Variants in MCU observed in about 807,000 individuals in gnomAD.
MCU encodes the protein mitochondrial calcium uniporter.
MCU carries 12 observed loss-of-function variants against 45.2 expected under a neutral mutation model. The ratio of observed to expected loss-of-function variants is 0.27; its 90% CI spans 0.17 to 0.43. The LOEUF (loss-of-function observed/expected upper bound fraction) is 0.43, where lower values mean the gene tolerates loss of function less well. Among genes scored for constraint, MCU ranks in the 20% least tolerant of loss-of-function variants. The pLI is 1.00. For missense variants in MCU, 324 were observed against 436.7 expected (o/e 0.74, Z 2.30); for synonymous variants, 160 against 165.1 (o/e 0.97, Z 0.24).
intron 1 of MCU, among the ~76,000 whole-genome samples, chr10:72,770,397 C>G (rs941706624): frequency 6.6e-6 from 1 of 152,084 alleles, no homozygotes; most frequent in Non-Finnish European, 1.5e-5. Flanking sequence ...AAATCCACTT[C>G]AGATTTGTAC....
chr10:72,753,737 G>A (rs1444006461), intron 1 of MCU, among the ~76,000 whole-genome samples: 1 of 152,046 alleles, frequency 6.6e-6, no homozygotes, highest in East Asian at 1.9e-4. Context: ...CTAGCTGGGT[G>A]TGGTGGTGGC....
At chr10:72,835,553 A>G (rs1291539067) in intron 2 of MCU, among the ~76,000 whole-genome samples, 3 of 152,202 alleles carry the variant, frequency 2.0e-5, no homozygotes, top group Non-Finnish European at 4.4e-5. Flanking sequence ...ACATTTAGTC[A>G]GTATAATATT....
rs377383936 is a variant in MCU at position 72,758,544 on chromosome 10, A to G, written c.150+66243A>G. Among the ~76,000 whole-genome samples, 791 of 152,316 alleles carry G rather than the reference A, an allele frequency of 5.2e-3. 6 individuals are homozygous for G. The highest frequency in any genetic ancestry group is 0.014 in the Middle Eastern group (4 of 294). ...ACCCAGAGAAAGGGAAATAGTTACT[A>G]AGGCAGTCTATTTCTTTTTTCTGAA... On this transcript the variant is annotated intron_variant, in intron 1 of 7. Transcript: ENST00000373053.
At chr10:72,839,641 T>C (rs1035523251) in intron 2 of MCU, among the ~76,000 whole-genome samples, 4 of 151,834 alleles carry the variant, frequency 2.6e-5, no homozygotes, top group Non-Finnish European at 4.4e-5. Context: ...AGGATTGTTT[T>C]CCATTTTGAA....
At chr10:72,879,868 A>G (rs1288902133) in intron 6 of MCU, among the ~76,000 whole-genome samples, 1 of 152,176 alleles carries the variant, frequency 6.6e-6, no homozygotes, top group African/African-American at 2.4e-5. Context: ...CAACATGGCA[A>G]AACCCTGTCT....
chr10:72,843,273 A>G (rs982306110), intron 2 of MCU, among the ~76,000 whole-genome samples: 2 of 152,152 alleles, frequency 1.3e-5, no homozygotes, highest in Non-Finnish European at 2.9e-5. Context: ...GAGGAGTTTC[A>G]CCACCCTAAA....
chr10:72,828,940 A>G (rs751087224), intron 1 of MCU, among the ~76,000 whole-genome samples: 2 of 152,180 alleles, frequency 1.3e-5, no homozygotes, highest in Non-Finnish European at 2.9e-5. Context: ...CTTATTAAAG[A>G]TATGGACTGG....
intron 4 of MCU, among the ~76,000 whole-genome samples, chr10:72,865,801 G>T (rs576647618): frequency 6.7e-6 from 1 of 149,444 alleles, no homozygotes; most frequent in Non-Finnish European, 1.5e-5. Flanking sequence ...TTTTGAGATG[G>T]AGTCTTGCTC....
intron 1 of MCU, among the ~76,000 whole-genome samples, chr10:72,705,556 G>A (rs1274969571): frequency 3.3e-5 from 5 of 152,100 alleles, no homozygotes. Flanking sequence ...AGTGGCTCAT[G>A]CCTGTAATCC....
chr10:72,863,920 T>A (rs971314024), intron 4 of MCU, among the ~76,000 whole-genome samples: 1 of 152,172 alleles, frequency 6.6e-6, no homozygotes, highest in Non-Finnish European at 1.5e-5. Context: ...CCTTCCTATT[T>A]TCTATCGTTT....
At chr10:72,759,305 C>T (rs1843621846) in intron 1 of MCU, among the ~76,000 whole-genome samples, 1 of 152,058 alleles carries the variant, frequency 6.6e-6, no homozygotes, top group South Asian at 2.1e-4. Context: ...GGGCTGCATG[C>T]ACTGGTAATT....
At chr10:72,697,086 A>G (rs921973595) in intron 1 of MCU, among the ~76,000 whole-genome samples, 1 of 152,144 alleles carries the variant, frequency 6.6e-6, no homozygotes, top group African/African-American at 2.4e-5. Flanking sequence ...AGAGTTCTGG[A>G]TAAATATGTT....
chr10:72,886,114 C>G lies in MCU; in HGVS notation c.*292C>G, dbSNP rs1374315400. ...AGAGATTCATAAAGAGAAAACAATG[C>G]TGGGGGTGTTCGTTTCTTGCATCTT... is the stretch of plus-strand genomic sequence containing the variant. On this transcript the variant is annotated 3_prime_UTR_variant, in exon 8 of 8. Transcript: ENST00000373053. 1 of 252,962 alleles carries G rather than the reference C, an allele frequency of 4.0e-6. No homozygotes were observed. Among genetic ancestry groups the G allele is most frequent in the Non-Finnish European group, 7.5e-6 (1 of 133,238 alleles). 15.7% of individuals were successfully genotyped at this position (252,962 alleles called of 1,614,324 possible).
rs375048443 is a variant in MCU, at chr10:72,884,500, C to T, written c.978+118C>T. On this transcript the variant is annotated intron_variant, in intron 7 of 7. Transcript: ENST00000373053. ...AAGGAATGTTCCAACCCTCTTCTTC[C>T]TGTATAAATTATTCCTCAGTTGATT... The T allele has an allele frequency of 1.4e-5, 9 of 647,448 alleles. No individual in the cohort carries two copies. The Admixed American group carries it at 1.7e-4, about 12-fold the overall frequency. The allele number at this position is 647,448 out of a possible 1,614,324, so 40.1% of individuals were successfully genotyped here.
chr10:72,840,077 A>T (rs80084140), intron 2 of MCU, among the ~76,000 whole-genome samples: 51 of 151,382 alleles, frequency 3.4e-4, no homozygotes, highest in African/African-American at 1.1e-3. Flanking sequence ...GTTGGGTTAT[A>T]TTGTAGGTAT....
intron 1 of MCU, among the ~76,000 whole-genome samples, chr10:72,727,595 C>T (rs1183454400): frequency 6.6e-6 from 1 of 152,188 alleles, no homozygotes; most frequent in Non-Finnish European, 1.5e-5. Flanking sequence ...CTTTTTCACT[C>T]TTAACTCCTA....
chr10:72,757,237 A>G (rs1843590849), intron 1 of MCU, among the ~76,000 whole-genome samples: 1 of 152,132 alleles, frequency 6.6e-6, no homozygotes, highest in Non-Finnish European at 1.5e-5. Context: ...CAAATAGGAG[A>G]TGGTGAGGTA....
At chr10:72,869,967 A>G (rs1484614042) in intron 5 of MCU, among the ~76,000 whole-genome samples, 3 of 152,216 alleles carry the variant, frequency 2.0e-5, no homozygotes, top group Non-Finnish European at 4.4e-5. Flanking sequence ...TGTGTTATAT[A>G]TATACCTATA....
At chr10:72,884,141 A>T (rs1209987803) in intron 6 of MCU, 125 bp from the exon 7 acceptor site, 1 of 642,126 alleles carries the variant, frequency 1.6e-6, no homozygotes, top group East Asian at 2.6e-5. Flanking sequence ...GTGGTGATTA[A>T]ATACTTAACA....
Sources: gnomAD v4.1 joint callset for allele counts (sites outside exome capture counted in the v4.1 genomes callset) on GRCh38, gnomAD v4.1.1 for gene constraint, MANE v1.5 for transcripts, NCBI Gene and HGNC (gene_info 2026-07-23, HGNC 2026-07-21) for gene names.